The following VPS13A variants were observed in gnomAD, a reference collection of about 807,000 sequenced individuals.
VPS13A encodes intermembrane lipid transfer protein VPS13A.
Under a neutral mutation model 390.9 loss-of-function variants are expected in VPS13A, and 264 were observed. The ratio of observed to expected loss-of-function variants is 0.68; its 90% CI spans 0.61 to 0.75. VPS13A has a LOEUF of 0.75. Among genes scored for constraint, VPS13A ranks in the 30% least tolerant of loss-of-function variants. VPS13A has a pLI of 0.00. For synonymous variants in VPS13A, 1,231 were observed against 1,227.1 expected, an observed-to-expected ratio of 1.00 and a Z score of -0.07; for missense variants, 3,409 against 3,733.9, an observed-to-expected ratio of 0.91 and a Z score of 2.27.
intron 54 of VPS13A, 148 bp downstream of exon 54, chr9:77,353,789 G>C (rs1471132530): frequency 4.9e-6 from 4 of 810,636 alleles, no homozygotes; most frequent in Non-Finnish European, 7.7e-6. Context: ...AAATGTGCTT[G>C]AGGGAATTTT....
intron 68 of VPS13A, among the ~76,000 whole-genome samples, chr9:77,397,533 A>C (rs1167368703): frequency 6.6e-6 from 1 of 152,054 alleles, no homozygotes; most frequent in Admixed American, 6.6e-5. Context: ...TAATCTTTTC[A>C]TATTTTGCAT....
At chr9:77,261,890 TG>T (rs1336363061) in intron 23 of VPS13A, among the ~76,000 whole-genome samples, 22 of 152,248 alleles carry the variant, frequency 1.4e-4, no homozygotes, top group African/African-American at 5.1e-4. Context: ...AGCCCAGATT[TG>T]CTTAACTTAT....
chr9:77,185,470 T>C (rs1278434286), intron 1 of VPS13A, among the ~76,000 whole-genome samples: 1 of 152,202 alleles, frequency 6.6e-6, no homozygotes, highest in Non-Finnish European at 1.5e-5. Context: ...GTAGATAGTG[T>C]CATTATTTAA....
In VPS13A at chr9:77,337,346, C is replaced by G. The variant is rs13293806; in HGVS notation, c.6187C>G (p.Leu2063Val). ...EEIIKNDGALLKKKCRSKNPS... is the reference protein window; with the variant it reads ...EEIIKNDGALVKKKCRSKNPS... ...GATTATAAAAAATGATGGTGCTCTT[C>G]TAAAGAAGAAATGTAGATCTAAAAA... Residue 2063 changes from leucine to valine, a missense_variant, in exon 47 of 72, where the codon CTA (leucine) becomes GTA (valine). By Grantham distance (32) the Leu-to-Val change is conservative. Transcript: ENST00000360280. The G allele has an allele frequency of 1.9e-6, 3 of 1,612,694 alleles. No homozygotes were observed. The East Asian group carries it at 6.7e-5, about 36-fold the overall frequency.
chr9:77,301,943 A>C (rs1158751320), intron 33 of VPS13A, among the ~76,000 whole-genome samples: 1 of 150,158 alleles, frequency 6.7e-6, no homozygotes, highest in African/African-American at 2.5e-5. Flanking sequence ...TTTGTTTACA[A>C]ATTACATAGA....
chr9:77,190,322 A>C (rs949919847), intron 1 of VPS13A, among the ~76,000 whole-genome samples: 2 of 152,164 alleles, frequency 1.3e-5, no homozygotes, highest in Non-Finnish European at 2.9e-5. Flanking sequence ...GAATTTTATC[A>C]AAAGTCCTGA....
chr9:77,384,868 T>G (rs1833615619), intron 68 of VPS13A: 1 of 1,428,642 alleles, frequency 7.0e-7, no homozygotes, highest in Non-Finnish European at 9.1e-7. Context: ...GTATCTTACA[T>G]CCAAAGTAGG....
chr9:77,217,194 G>T (rs1822913392), intron 10 of VPS13A, among the ~76,000 whole-genome samples: 1 of 152,312 alleles, frequency 6.6e-6, no homozygotes, highest in African/African-American at 2.4e-5. Flanking sequence ...GACGAGGGCA[G>T]TATTCTCAAA....
intron 5 of VPS13A, among the ~76,000 whole-genome samples, chr9:77,207,235 A>ATATATATATATG (rs1825703659): frequency 9.2e-6 from 1 of 109,048 alleles, no homozygotes; most frequent in Non-Finnish European, 1.9e-5. Flanking sequence ...ATATATATAT[A>ATATATATATATG]TATATATATA....
At position 77,283,411 on chromosome 9, in the gene VPS13A, T is replaced by G; in HGVS notation, c.3175T>G (p.Ser1059Ala). The change falls in exon 30 of 72, where the codon TCG becomes GCG. Residue 1059 changes from serine to alanine, a missense_variant. Around this residue, in one of 5 missense-constraint regions of VPS13A, gnomAD observed 2,717 missense variants for 2,917.4 expected, o/e 0.93. Coordinates refer to ENST00000360280, the MANE Select transcript of VPS13A (RefSeq NM_033305.3). ...TACTTTGCAGATTTTAGCAGAATTA[T>G]CGTGTTTACAGATCTTTATTCAAGA... is the stretch of plus-strand genomic sequence containing the variant. ...IITLQILAEL[S>A]CLQIFIQDQK... The G allele has an allele frequency of 6.2e-7, 1 of 1,609,320 alleles. No individual in the cohort carries two copies. Among genetic ancestry groups the G allele is most frequent in the Non-Finnish European group, 8.5e-7 (1 of 1,176,200 alleles).
In VPS13A at chr9:77,321,607, T is replaced by C; in HGVS notation, c.5691T>C (p.Ser1897=). The C allele has an allele frequency of 6.2e-7, 1 of 1,613,482 alleles. No homozygotes were observed. The highest frequency in any genetic ancestry group is 8.5e-7 in the Non-Finnish European group (1 of 1,179,614). The change falls in exon 44 of 72, where the codon AGT becomes AGC. Residue 1897 remains serine, a synonymous_variant. Transcript: ENST00000360280. ...CTGTTTCGCCAAGTGATTCTTTTAG[T>C]GTACTCAACATTCCTATGGCAAAAT... ...TISVSPSDSF[S]VLNIPMAKSY... is the part of the protein sequence containing the mutation.
intron 17 of VPS13A, among the ~76,000 whole-genome samples, chr9:77,237,210 T>A (rs1824201486): frequency 6.6e-6 from 1 of 151,878 alleles, no homozygotes; most frequent in Non-Finnish European, 1.5e-5. Context: ...AATAAAAGTT[T>A]TTCTGTTTGC....
intron 46 of VPS13A, among the ~76,000 whole-genome samples, chr9:77,332,586 T>A (rs1830331925): frequency 1.3e-5 from 2 of 151,844 alleles, no homozygotes; most frequent in Admixed American, 6.6e-5. Flanking sequence ...ATATTAATTT[T>A]AAATTTTTAA....
intron 53 of VPS13A, among the ~76,000 whole-genome samples, chr9:77,351,809 C>T (rs1831486236): frequency 6.6e-6 from 1 of 152,004 alleles, no homozygotes; most frequent in South Asian, 2.1e-4. Flanking sequence ...GCAGCGATTG[C>T]AGTGAGCCAA....
chr9:77,358,279 T>G (rs1017817626), intron 56 of VPS13A, 78 bp from the exon 57 acceptor site: 36 of 1,293,088 alleles, frequency 2.8e-5, no homozygotes, highest in Non-Finnish European at 5.6e-6. Context: ...TTGATTCTTT[T>G]TGTTCCTCAA....
chr9:77,332,255 A>G (rs1830316955), intron 46 of VPS13A, 142 bp downstream of exon 46: 1 of 637,882 alleles, frequency 1.6e-6, no homozygotes, highest in Non-Finnish European at 2.8e-6. Flanking sequence ...TTAGATCTTA[A>G]AAAAGAAGTA....
intron 62 of VPS13A, 80 bp downstream of exon 62, chr9:77,368,216 G>C (rs1274606806): frequency 4.4e-6 from 5 of 1,138,736 alleles, no homozygotes; most frequent in Non-Finnish European, 5.2e-6. Flanking sequence ...ATATAATGTG[G>C]AACTATTGAG....
intron 59 of VPS13A, among the ~76,000 whole-genome samples, chr9:77,362,471 G>C (rs557610243): frequency 1.3e-5 from 2 of 152,152 alleles, no homozygotes; most frequent in African/African-American, 4.8e-5. Flanking sequence ...TTATTCCGTC[G>C]ATCTGTGCAT....
chr9:77,397,909 AT>A (rs1834185558), intron 68 of VPS13A, among the ~76,000 whole-genome samples: 1 of 152,188 alleles, frequency 6.6e-6, no homozygotes, highest in Admixed American at 6.5e-5. Flanking sequence ...GGCGAAAAAA[AT>A]GTTTTTCCTT....
Sources: allele counts gnomAD v4.1 joint callset (sites outside exome capture counted in the v4.1 genomes callset), GRCh38; gene constraint gnomAD v4.1.1; regional missense constraint gnomAD v4.1.1; transcripts MANE v1.5; gene names NCBI Gene and HGNC (gene_info 2026-07-23, HGNC 2026-07-21).